NTN5: variants seen among roughly 807,000 people sequenced by gnomAD.
The protein encoded by NTN5 is netrin 5, also known as netrin-5.
NTN5 carries 42 observed loss-of-function variants against 38.7 expected under a neutral mutation model. The ratio of observed to expected loss-of-function variants is 1.08; its 90% CI spans 0.85 to 1.40. The LOEUF is 1.40. Among genes scored for constraint, NTN5 ranks in the 40% most tolerant of loss-of-function variants. NTN5 has a pLI of 0.00. For synonymous variants in NTN5, 329 were observed against 303.9 expected (o/e 1.08, Z -0.86); for missense variants, 658 against 716.5 (o/e 0.92, Z 0.93).
intron 6 of NTN5, chr19:48,662,336 G>A (rs1276279034): frequency 1.5e-5 from 4 of 264,174 alleles, no homozygotes; most frequent in African/African-American, 9.0e-5. Flanking sequence ...GGTATCAATG[G>A]TGGAATTCTT....
chr19:48,662,499 CT>C (rs1219887077), intron 6 of NTN5: 1 of 153,072 alleles, frequency 6.5e-6, no homozygotes, highest in African/African-American at 2.4e-5. Context: ...CGGAATCTTA[CT>C]CTATTGCCCA....
chr19:48,661,537 CGGCGTG>C lies in NTN5; in HGVS notation c.*134_*139del. 1 of 1,063,158 alleles carries C rather than the reference CGGCGTG, an allele frequency of 9.4e-7. No homozygotes were observed. Among genetic ancestry groups the C allele is most frequent in the Non-Finnish European group, 1.2e-6 (1 of 818,394 alleles). The allele number at this position is 1,063,158 out of a possible 1,614,324, so 65.9% of individuals were successfully genotyped here. A position where few individuals can be genotyped will look rare whatever the true frequency, so the allele number is the denominator to read the frequency against. Reference sequence around the variant, plus strand: ...TTGCTAAAAGTTCCGCACGCCTGCTCGGCGTGGGCGCAAGCATAGTGTCGTCGGGGC... The same window carrying C: ...TTGCTAAAAGTTCCGCACGCCTGCTCGGCGCAAGCATAGTGTCGTCGGGGC... On this transcript the variant is annotated 3_prime_UTR_variant, in exon 7 of 7. Coordinates refer to ENST00000270235, the MANE Select transcript of NTN5 (RefSeq NM_145807.4).
intron 2 of NTN5, among the ~76,000 whole-genome samples, chr19:48,664,975 C>T (rs534145005): frequency 1.3e-5 from 2 of 151,928 alleles, no homozygotes; most frequent in African/African-American, 4.8e-5. Context: ...TGCAGTGGCG[C>T]GACCTCAGCT....
At chr19:48,669,852 TCAC>T (rs1459639589) in intron 2 of NTN5, among the ~76,000 whole-genome samples, 5 of 34,900 alleles carry the variant, frequency 1.4e-4, no homozygotes, top group Non-Finnish European at 3.5e-4. Flanking sequence ...ACCACTACCA[TCAC>T]CACCACCATC....
intron 2 of NTN5, among the ~76,000 whole-genome samples, chr19:48,670,040 A>G (rs1316420441): frequency 1.3e-5 from 2 of 148,420 alleles, no homozygotes; most frequent in Non-Finnish European, 3.0e-5. Context: ...CACCACAGTC[A>G]TCACCATTAT....
In NTN5 at chr19:48,664,307, G is replaced by A. The variant is rs2031633621; in HGVS notation, c.821-15C>T. The A allele has an allele frequency of 6.2e-7, 1 of 1,610,288 alleles. No individual in the cohort carries two copies. The highest frequency in any genetic ancestry group is 8.5e-7 in the Non-Finnish European group (1 of 1,178,338). ...GCACTGGCAGGCTACATGAGCAGAG[G>A]AGCTGGGGGCATGGGGTATCAGGGC... On this transcript the variant is annotated splice_polypyrimidine_tract_variant and intron_variant, in intron 3 of 6. Transcript: ENST00000270235.
chr19:48,664,659 G>C lies in NTN5; in HGVS notation c.740C>G (p.Ala247Gly). 1 of 1,612,876 alleles carries C rather than the reference G, an allele frequency of 6.2e-7. No homozygotes were observed. The highest frequency in any genetic ancestry group is 8.5e-7 in the Non-Finnish European group (1 of 1,179,732). The change falls in exon 3 of 7, where the codon GCT (alanine) becomes GGT (glycine). Residue 247 changes from alanine (A) to glycine (G), a missense_variant. Transcript: ENST00000270235. ...GVCERCRHHT[A>G]GRHCHYCQPG... ...TTGGCAGTAGTGGCAGTGCCGCCCA[G>C]CTGTGTGGTGGCGGCACCGCTCACA...
At chr19:48,669,115 TCAC>T (rs1320039546) in intron 2 of NTN5, among the ~76,000 whole-genome samples, 9 of 79,040 alleles carry the variant, frequency 1.1e-4, no homozygotes, top group Admixed American at 2.6e-4. Flanking sequence ...ATCACCATCA[TCAC>T]CACCACCACC....
chr19:48,669,486 T>C (rs1289359655), intron 2 of NTN5, among the ~76,000 whole-genome samples: 2 of 55,798 alleles, frequency 3.6e-5, no homozygotes, highest in Admixed American at 1.9e-4. Context: ...ATCACCACCA[T>C]CACCATCACC....
At chr19:48,664,853 T>C (rs766192257) in intron 2 of NTN5, 86 bp from the exon 3 acceptor site, 2 of 1,212,766 alleles carry the variant, frequency 1.6e-6, no homozygotes, top group Non-Finnish European at 2.2e-6. Context: ...CCTGCCCTCA[T>C]GAAAGGAAGC....
In NTN5 at chr19:48,671,054, T is replaced by C. The variant is rs2031950496; in HGVS notation, c.-20-48A>G. On this transcript the variant is annotated intron_variant, in intron 1 of 6. Coordinates refer to ENST00000270235, the MANE Select transcript of NTN5 (RefSeq NM_145807.4). ...GGCTGGGGATCTCAGCCGCAGCCTCTACCCCTCCTGGAGGTGTCCTGTGGA... is the reference window on the plus strand; with the variant it reads ...GGCTGGGGATCTCAGCCGCAGCCTCCACCCCTCCTGGAGGTGTCCTGTGGA... 5.0e-6 allele frequency: 7 copies of C among 1,389,980 alleles called. No homozygotes were observed. In the South Asian group the frequency reaches 1.1e-4, roughly 21 times the overall value. The allele number at this position is 1,389,980 out of a possible 1,614,324, so 86.1% of individuals were successfully genotyped here. A position where few individuals can be genotyped will look rare whatever the true frequency, so the allele number is the denominator to read the frequency against.
intron 6 of NTN5, 120 bp from the exon 7 acceptor site, chr19:48,662,161 A>G (rs2031568384): frequency 9.3e-7 from 1 of 1,076,038 alleles, no homozygotes; most frequent in South Asian, 2.0e-5. Context: ...CTGGTATCGC[A>G]GTGGGGAGAG....
chr19:48,667,434 A>G (rs748312156), intron 2 of NTN5: 11 of 398,200 alleles, frequency 2.8e-5, no homozygotes, highest in Non-Finnish European at 4.6e-5. Context: ...GTCCAGGCCC[A>G]GGATGAAGGC....
chr19:48,665,385 A>C (rs1172190216), intron 2 of NTN5, among the ~76,000 whole-genome samples: 2 of 145,672 alleles, frequency 1.4e-5, no homozygotes, highest in African/African-American at 5.1e-5. Flanking sequence ...GCAGTGAGCC[A>C]AGATTGCACC....
intron 2 of NTN5, among the ~76,000 whole-genome samples, chr19:48,665,520 C>T (rs970647247): frequency 6.6e-5 from 10 of 151,308 alleles, no homozygotes; most frequent in Non-Finnish European, 8.8e-5. Flanking sequence ...TGAAACTGGG[C>T]CTCTAAAGAG....
Position 48,661,722 on chromosome 19 carries a change from G to C in NTN5, c.1425C>G (p.Cys475Trp). Residue 475 changes from cysteine to tryptophan, a missense_variant, in exon 7 of 7, where the codon TGC becomes TGG. Coordinates refer to ENST00000270235, the MANE Select transcript of NTN5 (RefSeq NM_145807.4). ...TGGGTGTGGGTGCCCGCACGCCGCG[G>C]CAGCCTCCGGCGCGCTCCTCCTGCT... Reference protein sequence around the residue: ...RLQQEERAGGCRGVRAPTPSP... With the variant: ...RLQQEERAGGWRGVRAPTPSP... The C allele has an allele frequency of 6.4e-7, 1 of 1,552,442 alleles. No individual in the cohort carries two copies. Among genetic ancestry groups the C allele is most frequent in the Non-Finnish European group, 8.6e-7 (1 of 1,159,284 alleles).
chr19:48,663,357 C>CT, intron 6 of NTN5, 106 bp downstream of exon 6: 2 of 995,944 alleles, frequency 2.0e-6, no homozygotes, highest in Non-Finnish European at 3.2e-6. Flanking sequence ...TCCAACACTC[C>CT]TTCCCATTTA....
At position 48,663,744 on chromosome 19, in the gene NTN5, G is replaced by T. The variant is rs754145669; in HGVS notation, c.1024+17C>A. 9 of 1,613,100 alleles carry T rather than the reference G, an allele frequency of 5.6e-6. No individual in the cohort carries two copies. The highest frequency in any genetic ancestry group is 7.6e-6 in the Non-Finnish European group (9 of 1,179,200). Reference sequence around the variant, plus strand: ...TCCCACTTGCCACTCAGGGACCTCCGTGCCAGACTGTCTTACCAGAGCTAT... The same window carrying T: ...TCCCACTTGCCACTCAGGGACCTCCTTGCCAGACTGTCTTACCAGAGCTAT... On this transcript the variant is annotated intron_variant, in intron 5 of 6. Coordinates refer to ENST00000270235, the MANE Select transcript of NTN5 (RefSeq NM_145807.4).
In NTN5 at chr19:48,661,817, G is replaced by A. The variant is rs2031552334; in HGVS notation, c.1330C>T (p.Leu444Phe). ...GCGAGGCCGTGGCGGTCGAGGATGA[G>A]GCGCGTGGGGTCGGGGTCGCCCACG... The part of the protein sequence containing the change: ...SAVGDPDPTR[L>F]ILDRHGLALP... Residue 444 changes from leucine (L) to phenylalanine (F), a missense_variant, in exon 7 of 7, where the codon CTC becomes TTC. Transcript: ENST00000270235. 1 of 1,342,116 alleles carries A rather than the reference G, an allele frequency of 7.5e-7. No individual in the cohort carries two copies. Among genetic ancestry groups the A allele is most frequent in the Non-Finnish European group, 9.5e-7 (1 of 1,052,684 alleles). 83.1% of individuals were successfully genotyped at this position (1,342,116 alleles called of 1,614,324 possible).
Sources: gnomAD v4.1 joint callset for allele counts (sites outside exome capture counted in the v4.1 genomes callset) on GRCh38, gnomAD v4.1.1 for gene constraint, MANE v1.5 for transcripts, NCBI Gene and HGNC (gene_info 2026-07-23, HGNC 2026-07-21) for gene names.